The following MANBA variants were observed in gnomAD, a reference collection of about 807,000 sequenced individuals.
The protein encoded by MANBA is mannosidase beta, also known as beta-mannosidase.
In MANBA, 83 loss-of-function variants were observed where a neutral mutation model predicts 111.1. That is an observed-to-expected ratio of 0.75 (90% CI 0.63 to 0.90). The LOEUF is 0.90. MANBA is among the 40% of genes least tolerant of loss of function. MANBA has a pLI of 0.00. For missense variants in MANBA, 1,036 were observed against 1,069.0 expected (o/e 0.97, Z 0.43); for synonymous variants, 370 against 378.7 (o/e 0.98, Z 0.27).
At chr4:102,751,492 C>A in intron 1 of MANBA, 1 of 529,328 alleles carries the variant, frequency 1.9e-6, no homozygotes, top group East Asian at 5.4e-5. Flanking sequence ...TCTGAATTTG[C>A]TGACCTTAGT....
chr4:102,751,427 C>G (rs571019114), intron 1 of MANBA: 1 of 486,494 alleles, frequency 2.1e-6, no homozygotes, highest in South Asian at 1.5e-5. Context: ...CACATTTCTA[C>G]ACCGATAACA....
At chr4:102,709,373 AG>A (rs1285856214) in intron 5 of MANBA, among the ~76,000 whole-genome samples, 1 of 140,656 alleles carries the variant, frequency 7.1e-6, no homozygotes, top group Non-Finnish European at 1.6e-5. Context: ...AGAAAAAGAA[AG>A]GAAGGAAGGA....
Position 102,631,238 on chromosome 4 carries a change from T to C in MANBA, c.*819A>G, listed in dbSNP as rs1351558580. ...TTAGAGTCACTGAACATAATGCTTC[T>C]CATTTTTAAAACCAAAACCACTAAT... On this transcript the variant is annotated 3_prime_UTR_variant, in exon 17 of 17. Coordinates refer to ENST00000647097, the MANE Select transcript of MANBA (RefSeq NM_005908.4). The C allele has an allele frequency of 6.6e-6, 1 of 152,088 alleles. No homozygotes were observed. The highest frequency in any genetic ancestry group is 2.4e-5 in the African/African-American group (1 of 41,372). 9.4% of individuals were successfully genotyped at this position (152,088 alleles called of 1,614,324 possible).
rs1578921564 is a variant in MANBA, at chr4:102,705,494, C to T, written c.673+8944G>A. Among the ~76,000 whole-genome samples the T allele has an allele frequency of 2.0e-5, 3 of 152,268 alleles. No homozygotes were observed. The Middle Eastern group carries it at 0.01, about 518-fold the overall frequency. ...CCACCAATGCTGAAGCAACTCCACC[C>T]CCTCAGGAGCAGGGCTGCTGCACAT... On this transcript the variant is annotated intron_variant, in intron 5 of 16. Transcript: ENST00000647097.
At chr4:102,683,856 T>C (rs1351463218) in intron 7 of MANBA, among the ~76,000 whole-genome samples, 1 of 152,212 alleles carries the variant, frequency 6.6e-6, no homozygotes, top group Non-Finnish European at 1.5e-5. Context: ...CTGTTGATAT[T>C]TTCCCTATAT....
intron 13 of MANBA, 58 bp downstream of exon 13, chr4:102,650,479 C>T (rs1418680284): frequency 7.9e-6 from 12 of 1,518,552 alleles, no homozygotes; most frequent in African/African-American, 1.4e-5. Flanking sequence ...ACAAAATCTA[C>T]ATAATCTCTT....
chr4:102,632,301 A>G lies in MANBA; in HGVS notation c.2416-20T>C, dbSNP rs1578853160. 1 of 1,262,458 alleles carries G rather than the reference A, an allele frequency of 7.9e-7. No individual in the cohort carries two copies. Among genetic ancestry groups the G allele is most frequent in the East Asian group, 2.3e-5 (1 of 42,682 alleles). 78.2% of individuals were successfully genotyped at this position (1,262,458 alleles called of 1,614,324 possible). A position where few individuals can be genotyped will look rare whatever the true frequency, so the allele number is the denominator to read the frequency against. ...GATGGCCTGAAAAAGAAAAAAAAAA[A>G]TGAATGAAGTGAAGGATGAGGGAAG... On this transcript the variant is annotated intron_variant, in intron 16 of 16. Coordinates refer to ENST00000647097, the MANE Select transcript of MANBA (RefSeq NM_005908.4).
chr4:102,664,180 C>A (rs778519002), intron 11 of MANBA, among the ~76,000 whole-genome samples: 1 of 152,190 alleles, frequency 6.6e-6, no homozygotes, highest in Non-Finnish European at 1.5e-5. Flanking sequence ...GTGTGGAGAG[C>A]TGCACAGAGA....
Position 102,639,795 on chromosome 4 carries a change from T to C in MANBA, c.1932A>G (p.Ile644Met). The C allele has an allele frequency of 6.2e-7, 1 of 1,614,118 alleles. No homozygotes were observed. Among genetic ancestry groups the C allele is most frequent in the Non-Finnish European group, 8.5e-7 (1 of 1,179,998 alleles). The change falls in exon 14 of 17, where the codon ATA becomes ATG. Residue 644 changes from isoleucine to methionine, a missense_variant. Ile to Met is a conservative substitution (Grantham distance 10). Transcript: ENST00000647097. ...TEFYRRSRSE[I>M]VDQQGHTMGA... Reference sequence around the variant, plus strand: ...CCATCGTGTGCCCTTGCTGATCCACTATCTCGCTGCGACTACGGCGGTAGA... The same window carrying C: ...CCATCGTGTGCCCTTGCTGATCCACCATCTCGCTGCGACTACGGCGGTAGA...
chr4:102,698,061 G>A (rs1377559445), intron 5 of MANBA, among the ~76,000 whole-genome samples: 1 of 151,942 alleles, frequency 6.6e-6, no homozygotes, highest in Non-Finnish European at 1.5e-5. Flanking sequence ...TAACTGGTGT[G>A]AGATGGTATC....
At chr4:102,664,306 A>C (rs533438255) in intron 11 of MANBA, among the ~76,000 whole-genome samples, 16 of 152,302 alleles carry the variant, frequency 1.1e-4, no homozygotes, top group African/African-American at 3.8e-4. Context: ...AGGGGCATAA[A>C]ACATACTATA....
intron 4 of MANBA, among the ~76,000 whole-genome samples, chr4:102,721,875 C>CA (rs1326251321): frequency 6.6e-6 from 1 of 151,462 alleles, no homozygotes; most frequent in Admixed American, 6.6e-5. Context: ...AAAAAAAATA[C>CA]AAAAATTATC....
rs746730301 is a variant in MANBA at position 102,635,050 on chromosome 4, G to A, written c.2158-5C>T. 1.9e-6 allele frequency: 3 copies of A among 1,613,914 alleles called. No individual in the cohort carries two copies. Among genetic ancestry groups the A allele is most frequent in the Non-Finnish European group, 2.5e-6 (3 of 1,179,850 alleles). ...GCTCCATGTATGGACTCTCACCTGG[G>A]GAGAAATAAAACAGAATAAAAACAG... On this transcript the variant is annotated splice_polypyrimidine_tract_variant and splice_region_variant and intron_variant, in intron 15 of 16. Coordinates refer to ENST00000647097, the MANE Select transcript of MANBA (RefSeq NM_005908.4).
At chr4:102,648,816 C>G (rs1730209044) in intron 13 of MANBA, among the ~76,000 whole-genome samples, 1 of 152,056 alleles carries the variant, frequency 6.6e-6, no homozygotes, top group Non-Finnish European at 1.5e-5. Context: ...ATCCATGTGA[C>G]TACCACTCAG....
chr4:102,663,797 AG>A (rs920115189), intron 11 of MANBA, among the ~76,000 whole-genome samples: 20 of 152,242 alleles, frequency 1.3e-4, no homozygotes, highest in African/African-American at 4.6e-4. Flanking sequence ...GTTTTTCAAA[AG>A]TTAAAACTTT....
At chr4:102,727,856 A>G in intron 1 of MANBA, 1 of 584,964 alleles carries the variant, frequency 1.7e-6, no homozygotes, top group Non-Finnish European at 3.1e-6. Context: ...CAGGTCTCCT[A>G]AAGATGAAAA....
At chr4:102,690,384 A>G (rs1241796953) in intron 6 of MANBA, among the ~76,000 whole-genome samples, 1 of 152,176 alleles carries the variant, frequency 6.6e-6, no homozygotes, top group Non-Finnish European at 1.5e-5. Context: ...TTAATAATAT[A>G]TTCTCTATTT....
chr4:102,730,510 A>G (rs369793144), intron 1 of MANBA: 219 of 530,972 alleles, frequency 4.1e-4, no homozygotes, highest in Middle Eastern at 1.2e-3. Flanking sequence ...CAGTAACAAC[A>G]TTGATTCTAC....
chr4:102,760,523 G>A (rs765497757), intron 1 of MANBA, among the ~76,000 whole-genome samples, 195 bp downstream of exon 1: 39 of 152,202 alleles, frequency 2.6e-4, no homozygotes, highest in Non-Finnish European at 4.4e-4. Context: ...ACATGGGTCG[G>A]TCGCTCAGTC....
Sources: allele counts gnomAD v4.1 joint callset (sites outside exome capture counted in the v4.1 genomes callset), GRCh38; gene constraint gnomAD v4.1.1; transcripts MANE v1.5; gene names NCBI Gene and HGNC (gene_info 2026-07-23, HGNC 2026-07-21).